Variants in DPP6 observed in about 807,000 individuals in gnomAD.
DPP6 encodes dipeptidyl peptidase like 6.
DPP6 carries 69 observed loss-of-function variants against 122.6 expected under a neutral mutation model. That is an observed-to-expected ratio of 0.56 (90% CI 0.46 to 0.69). The LOEUF (loss-of-function observed/expected upper bound fraction) is 0.69, where lower values mean the gene tolerates loss of function less well. Ranked by LOEUF, DPP6 falls within the 30% of genes least tolerant of loss-of-function variation. The probability of loss-of-function intolerance (pLI) is 0.00; values close to 1 mark genes in which losing one functional copy is unlikely to be tolerated. For missense variants in DPP6, 928 were observed against 1,116.9 expected (o/e 0.83, Z 2.41); for synonymous variants, 418 against 433.1 (o/e 0.97, Z 0.43).
the DPP6 span, among the ~76,000 whole-genome samples, chr7:153,834,275 T>TAAAAAAAAAAA: frequency 7.2e-6 from 1 of 138,958 alleles, no homozygotes. Flanking sequence ...TGACTCCATC[T>TAAAAAAAAAAA]AAAAAAAAAA....
chr7:154,501,385 A>G (rs888932960), intron 3 of DPP6, among the ~76,000 whole-genome samples: 1 of 152,194 alleles, frequency 6.6e-6, no homozygotes, highest in Non-Finnish European at 1.5e-5. Flanking sequence ...TCATCACAGC[A>G]GCCCCTCTCA....
chr7:154,762,154 G>A (rs991817340), intron 8 of DPP6, among the ~76,000 whole-genome samples: 2 of 152,164 alleles, frequency 1.3e-5, no homozygotes, highest in African/African-American at 4.8e-5. Context: ...AATTCAACAT[G>A]AGATTCAGAC....
chr7:154,769,230 A>C (rs1796089120), intron 8 of DPP6, among the ~76,000 whole-genome samples, 187 bp from the exon 9 acceptor site: 1 of 152,172 alleles, frequency 6.6e-6, no homozygotes, highest in South Asian at 2.1e-4. Flanking sequence ...TCAGCATCAG[A>C]CATTTCTTGA....
chr7:154,417,694 A>T (rs1291733737), intron 1 of DPP6, among the ~76,000 whole-genome samples: 1 of 152,162 alleles, frequency 6.6e-6, no homozygotes, highest in East Asian at 1.9e-4. Flanking sequence ...ACCACAAGTC[A>T]GTTACTCTGT....
chr7:154,841,137 A>G (rs1282094793), intron 16 of DPP6, among the ~76,000 whole-genome samples: 2 of 152,188 alleles, frequency 1.3e-5, no homozygotes, highest in African/African-American at 4.8e-5. Context: ...TGCTATGACA[A>G]TCTGAGGGCG....
At chr7:154,328,482 A>G (rs1406102796) in intron 1 of DPP6, among the ~76,000 whole-genome samples, 1 of 152,232 alleles carries the variant, frequency 6.6e-6, no homozygotes, top group African/African-American at 2.4e-5. Context: ...GAGGGGACAG[A>G]CAGGGATAGG....
chr7:153,940,411 G>C (rs190695592), intron 1 of DPP6, among the ~76,000 whole-genome samples: 134 of 152,260 alleles, frequency 8.8e-4, no homozygotes, highest in Non-Finnish European at 1.4e-3. Flanking sequence ...TGACTCTGTA[G>C]CAATATTGTC....
intron 1 of DPP6, among the ~76,000 whole-genome samples, chr7:154,407,586 G>A (rs1445426924): frequency 6.6e-6 from 1 of 152,100 alleles, no homozygotes; most frequent in Admixed American, 6.5e-5. Flanking sequence ...GTTTGGTTTG[G>A]TTGGCCCTTA....
intron 1 of DPP6, among the ~76,000 whole-genome samples, chr7:154,300,218 G>A (rs1333823137): frequency 6.6e-6 from 1 of 152,208 alleles, no homozygotes. Context: ...AGGCTCCAGG[G>A]GGTACCTATG....
At chr7:154,761,281 G>T (rs932025425) in intron 8 of DPP6, among the ~76,000 whole-genome samples, 10 of 152,208 alleles carry the variant, frequency 6.6e-5, no homozygotes, top group African/African-American at 2.2e-4. Context: ...CTAGGGGCAG[G>T]TCTTGCTCAC....
At chr7:154,305,341 C>G in intron 1 of DPP6, 3 of 970,134 alleles carry the variant, frequency 3.1e-6, no homozygotes, top group South Asian at 4.4e-5. Context: ...TGTCTACCCA[C>G]CCTCCCTCCC....
intron 1 of DPP6, among the ~76,000 whole-genome samples, chr7:154,168,165 A>G (rs1797348520): frequency 6.6e-6 from 1 of 152,244 alleles, no homozygotes; most frequent in Non-Finnish European, 1.5e-5. Flanking sequence ...TGTGGAGTCA[A>G]CAGAAAAGCA....
At chr7:153,844,593 T>C in the DPP6 span, among the ~76,000 whole-genome samples, 1 of 152,234 alleles carries the variant, frequency 6.6e-6, no homozygotes, top group Non-Finnish European at 1.5e-5. Context: ...CTTTTTCTGA[T>C]ATTTTTTTCA....
rs573596290 is a variant in DPP6, at chr7:154,403,910, G to A, written c.244-42304G>A. 3.9e-5 allele frequency among the ~76,000 whole-genome samples: 6 copies of A among 152,236 alleles called. No individual in the cohort carries two copies. The highest frequency in any genetic ancestry group is 5.9e-5 in the Non-Finnish European group (4 of 68,018). On this transcript the variant is annotated intron_variant, in intron 1 of 25. Coordinates refer to ENST00000377770, the MANE Select transcript of DPP6 (RefSeq NM_130797.4). The surrounding 1 kb of genome is among the most constrained non-coding windows in gnomAD (Gnocchi z 4.1). The stretch of plus-strand genomic sequence containing the variant: ...TAGAAAATTTGGAGCTGAAGTGCTC[G>A]GAAGGCCACTGATTTTAAGCTCATT...
intron 1 of DPP6, among the ~76,000 whole-genome samples, chr7:154,078,707 A>G (rs570827690): frequency 6.6e-6 from 1 of 152,152 alleles, no homozygotes; most frequent in African/African-American, 2.4e-5. Flanking sequence ...CTGAAAAATA[A>G]TGAGTGGTTG....
the DPP6 span, among the ~76,000 whole-genome samples, chr7:153,854,976 A>T: frequency 6.9e-6 from 1 of 145,564 alleles, no homozygotes; most frequent in African/African-American, 2.5e-5. Flanking sequence ...TTCTCAGTAA[A>T]CTATCACAAG....
the DPP6 span, among the ~76,000 whole-genome samples, chr7:153,810,190 G>GT: frequency 6.6e-6 from 1 of 152,156 alleles, no homozygotes; most frequent in African/African-American, 2.4e-5. Context: ...TTGTCCACGT[G>GT]TTTTTTGTAT....
chr7:154,704,650 G>T (rs540194969), intron 7 of DPP6, among the ~76,000 whole-genome samples: 53 of 152,286 alleles, frequency 3.5e-4, no homozygotes, highest in African/African-American at 1.3e-3. Flanking sequence ...GCAAAAAGAC[G>T]ATGACTCACC....
chr7:154,246,327 G>GA (rs1433162567), intron 1 of DPP6, among the ~76,000 whole-genome samples: 1 of 152,030 alleles, frequency 6.6e-6, no homozygotes, highest in Non-Finnish European at 1.5e-5. Flanking sequence ...TTTTCTTCAA[G>GA]AAGTTGGAAA....
Sources: gnomAD v4.1 joint callset for allele counts (sites outside exome capture counted in the v4.1 genomes callset) on GRCh38, gnomAD v4.1.1 for gene constraint, Gnocchi (gnomAD v3.1) non-coding constraint, MANE v1.5 for transcripts, NCBI Gene and HGNC (gene_info 2026-07-23, HGNC 2026-07-21) for gene names.